SOX5: variants seen among roughly 807,000 people sequenced by gnomAD.
SOX5 encodes the protein transcription factor SOX-5.
In SOX5, 9 loss-of-function variants were observed where a neutral mutation model predicts 92.0. The observed-to-expected ratio is 0.10, with a 90% confidence interval of 0.06 to 0.17. The LOEUF is 0.17. Ranked by LOEUF, SOX5 falls within the 10% of genes least tolerant of loss-of-function variation. SOX5 has a pLI of 1.00. For synonymous variants in SOX5, 344 were observed against 336.3 expected (o/e 1.02, Z -0.25); for missense variants, 642 against 944.5 (o/e 0.68, Z 4.20).
intron 4 of SOX5, among the ~76,000 whole-genome samples, chr12:24,046,384 G>A (rs1385581264): frequency 6.6e-6 from 1 of 152,122 alleles, no homozygotes; most frequent in Non-Finnish European, 1.5e-5. Flanking sequence ...AAATGACACT[G>A]CGAAGTAATT....
chr12:23,633,618 A>G (rs1329417187), intron 8 of SOX5, among the ~76,000 whole-genome samples: 1 of 152,088 alleles, frequency 6.6e-6, no homozygotes, highest in Non-Finnish European at 1.5e-5. Context: ...AAGAAGAATG[A>G]AAAAAAGAAG....
chr12:24,369,183 A>G (rs563042661), intron 1 of SOX5, among the ~76,000 whole-genome samples: 2 of 152,294 alleles, frequency 1.3e-5, no homozygotes, highest in East Asian at 3.9e-4. Context: ...TTGGCCAAAG[A>G]GATGGGCATC....
chr12:24,250,592 A>G (rs1212273725), intron 3 of SOX5, among the ~76,000 whole-genome samples: 1 of 152,366 alleles, frequency 6.6e-6, no homozygotes, highest in East Asian at 1.9e-4. Context: ...TGAAGTTCTG[A>G]AACATCTTCG....
intron 8 of SOX5, among the ~76,000 whole-genome samples, chr12:23,618,905 A>C (rs1326171532): frequency 6.6e-6 from 1 of 152,118 alleles, no homozygotes; most frequent in Non-Finnish European, 1.5e-5. Context: ...TTTCCCCTGA[A>C]CTCTGAGTCA....
chr12:24,439,166 G>T (rs1361956110), intron 1 of SOX5, among the ~76,000 whole-genome samples: 1 of 152,164 alleles, frequency 6.6e-6, no homozygotes, highest in Non-Finnish European at 1.5e-5. Context: ...CTCACTGAAG[G>T]TTCAGATGAT....
intron 4 of SOX5, among the ~76,000 whole-genome samples, chr12:24,082,552 A>T (rs900904057): frequency 1.6e-4 from 24 of 151,752 alleles, no homozygotes; most frequent in African/African-American, 5.8e-4. Context: ...TTTGTAGGAC[A>T]ATTAGTGAGA....
At chr12:24,312,867 G>A (rs1196677179) in intron 2 of SOX5, among the ~76,000 whole-genome samples, 1 of 152,124 alleles carries the variant, frequency 6.6e-6, no homozygotes, top group East Asian at 1.9e-4. Context: ...CACGCTTATT[G>A]TATTCCAGTG....
intron 4 of SOX5, among the ~76,000 whole-genome samples, chr12:24,111,709 G>GA (rs1313819417): frequency 6.6e-6 from 1 of 151,808 alleles, no homozygotes; most frequent in African/African-American, 2.4e-5. Context: ...TATCAAAGCT[G>GA]AAAAAAATAC....
intron 11 of SOX5, among the ~76,000 whole-genome samples, chr12:23,561,253 C>T (rs1381767365): frequency 7.2e-5 from 11 of 152,112 alleles, no homozygotes. Flanking sequence ...ACTCCTGCAA[C>T]CCAAGTAGGA....
intron 3 of SOX5, among the ~76,000 whole-genome samples, chr12:23,809,760 CTTTTTTTTTT>C (rs34337302): frequency 7.5e-6 from 1 of 133,330 alleles, no homozygotes; most frequent in Admixed American, 7.6e-5. Flanking sequence ...AAATGAAAGT[CTTTTTTTTTT>C]TTTTTTTTTG....
intron 7 of SOX5, among the ~76,000 whole-genome samples, chr12:23,663,310 T>A (rs981462835): frequency 6.6e-6 from 1 of 152,172 alleles, no homozygotes; most frequent in East Asian, 1.9e-4. Context: ...GCACTAAAAG[T>A]ATGAATATTA....
chr12:24,099,982 G>C (rs1299548340), intron 4 of SOX5, among the ~76,000 whole-genome samples: 1 of 152,092 alleles, frequency 6.6e-6, no homozygotes, highest in African/African-American at 2.4e-5. Flanking sequence ...ATTCTATGAT[G>C]AGAAGCAAAT....
intron 5 of SOX5, among the ~76,000 whole-genome samples, chr12:23,737,088 A>G (rs906271584): frequency 5.3e-5 from 8 of 152,084 alleles, no homozygotes; most frequent in Non-Finnish European, 1.2e-4. Context: ...CCACATAGCA[A>G]TATTTCAAAT....
At chr12:24,404,965 A>T (rs1043300340) in intron 1 of SOX5, among the ~76,000 whole-genome samples, 4 of 152,170 alleles carry the variant, frequency 2.6e-5, no homozygotes, top group African/African-American at 9.7e-5. Context: ...TGCATAGGGG[A>T]AAAATAATAT....
chr12:24,222,106 A>G (rs1455973243), intron 3 of SOX5, among the ~76,000 whole-genome samples: 2 of 152,154 alleles, frequency 1.3e-5, no homozygotes, highest in East Asian at 1.9e-4. Context: ...AATTGGTTCA[A>G]TATTTCTCAG....
chr12:23,725,896 GCTCAAGTATGATAAAGACTGAGAATTTTC>G (rs931857894), intron 6 of SOX5, among the ~76,000 whole-genome samples: 3 of 152,126 alleles, frequency 2.0e-5, no homozygotes, highest in Non-Finnish European at 4.4e-5. Context: ...GCTGCTGTAA[GCTCAAGTATGATAAAGACTGAGAATTTTC>G]CACTTCTAGA....
At chr12:24,377,881 A>G (rs1052241417) in intron 1 of SOX5, among the ~76,000 whole-genome samples, 2 of 152,238 alleles carry the variant, frequency 1.3e-5, no homozygotes, top group African/African-American at 4.8e-5. Flanking sequence ...TAGCAATAGA[A>G]CATTTGGAAA....
At chr12:23,884,416 C>T (rs573791738) in intron 2 of SOX5, among the ~76,000 whole-genome samples, 58 of 152,060 alleles carry the variant, frequency 3.8e-4, no homozygotes, top group Non-Finnish European at 7.6e-4. Context: ...TAACAAATAG[C>T]CTTTTAGAAT....
At chr12:23,568,745 A>G (rs1416516115) in intron 10 of SOX5, among the ~76,000 whole-genome samples, 1 of 152,092 alleles carries the variant, frequency 6.6e-6, no homozygotes, top group African/African-American at 2.4e-5. Flanking sequence ...CCTCGCTCTC[A>G]AATTTGCTTC....
Sources: gnomAD v4.1 joint callset for allele counts (sites outside exome capture counted in the v4.1 genomes callset) on GRCh38, gnomAD v4.1.1 for gene constraint, MANE v1.5 for transcripts, NCBI Gene and HGNC (gene_info 2026-07-23, HGNC 2026-07-21) for gene names.